ANKS1A: variants seen among roughly 807,000 people sequenced by gnomAD.
The protein encoded by ANKS1A is ankyrin repeat and sterile alpha motif domain containing 1A.
In ANKS1A, 55 loss-of-function variants were observed where a neutral mutation model predicts 120.3. The ratio of observed to expected loss-of-function variants is 0.46; its 90% CI spans 0.37 to 0.57. The LOEUF is 0.57. ANKS1A is among the 20% of genes least tolerant of loss of function. The probability of loss-of-function intolerance (pLI) is 0.00; values close to 1 mark genes in which losing one functional copy is unlikely to be tolerated. For synonymous variants in ANKS1A, 590 were observed against 604.7 expected, an observed-to-expected ratio of 0.98 and a Z score of 0.36; for missense variants, 1,123 against 1,480.3, an observed-to-expected ratio of 0.76 and a Z score of 3.96.
chr6:35,055,928 T>C (rs1164993539), intron 12 of ANKS1A, among the ~76,000 whole-genome samples: 1 of 152,224 alleles, frequency 6.6e-6, no homozygotes, highest in African/African-American at 2.4e-5. Context: ...CACTCTGTTG[T>C]AGCTTGCAAG....
At chr6:35,056,610 C>G (rs995781446) in intron 12 of ANKS1A, among the ~76,000 whole-genome samples, 2 of 152,168 alleles carry the variant, frequency 1.3e-5, no homozygotes, top group African/African-American at 4.8e-5. Context: ...TTTTGTCCCC[C>G]GTGAACCCAT....
chr6:35,081,097 G>A lies in ANKS1A; in HGVS notation c.2648G>A (p.Arg883Lys), dbSNP rs369821610. 1.7e-5 allele frequency: 27 copies of A among 1,613,680 alleles called. No homozygotes were observed. The highest frequency in any genetic ancestry group is 1.3e-5 in the African/African-American group (1 of 74,918). Reference sequence around the variant, plus strand: ...CTGCCTCCAGGGGACACAGGCAGGAGGCGCCATGACAGTCTCCATGACCCT... The same window carrying A: ...CTGCCTCCAGGGGACACAGGCAGGAAGCGCCATGACAGTCTCCATGACCCT... Reference protein sequence around the residue: ...LLLPPGDTGRRRHDSLHDPAA... With the variant: ...LLLPPGDTGRKRHDSLHDPAA... Residue 883 changes from arginine to lysine, a missense_variant, in exon 17 of 24, where the codon AGG becomes AAG. This residue lies in a region of ANKS1A where 904 missense variants were observed against 1,130.4 expected (regional missense o/e 0.80). Coordinates refer to ENST00000360359, the MANE Select transcript of ANKS1A (RefSeq NM_015245.3).
At chr6:34,951,794 G>A (rs1213127936) in intron 1 of ANKS1A, among the ~76,000 whole-genome samples, 1 of 152,116 alleles carries the variant, frequency 6.6e-6, no homozygotes, top group East Asian at 1.9e-4. Context: ...CAGCTAATTG[G>A]ATTTCTGGAA....
At chr6:34,969,550 C>T (rs929535890) in intron 2 of ANKS1A, among the ~76,000 whole-genome samples, 2 of 152,228 alleles carry the variant, frequency 1.3e-5, no homozygotes, top group Admixed American at 6.5e-5. Flanking sequence ...CCACTCTGCC[C>T]AGCCTGCAGT....
intron 1 of ANKS1A, among the ~76,000 whole-genome samples, chr6:34,902,231 A>G (rs973446838): frequency 6.6e-6 from 1 of 151,874 alleles, no homozygotes; most frequent in African/African-American, 2.4e-5. Flanking sequence ...TTTAAGGTTT[A>G]AGTTTTTCTT....
chr6:34,937,839 A>G (rs847849), intron 1 of ANKS1A, among the ~76,000 whole-genome samples: 15,514 of 152,244 alleles, frequency 0.1, 956 homozygotes, highest in East Asian at 0.34. Context: ...TACAGTGTCT[A>G]TAGTGGGAAA....
At chr6:34,985,366 C>G (rs747198866) in intron 8 of ANKS1A, 88 bp downstream of exon 8, 2 of 1,340,632 alleles carry the variant, frequency 1.5e-6, no homozygotes, top group East Asian at 2.3e-5. Flanking sequence ...GAAGTGTGAT[C>G]CCTGGTGCCA....
chr6:35,003,823 A>G (rs1190080802), intron 10 of ANKS1A, among the ~76,000 whole-genome samples: 1 of 152,240 alleles, frequency 6.6e-6, no homozygotes, highest in Non-Finnish European at 1.5e-5. Context: ...AAGAGGGGAA[A>G]TGAGGGAAGA....
chr6:34,929,467 C>T (rs1338488607), intron 1 of ANKS1A, among the ~76,000 whole-genome samples: 1 of 152,188 alleles, frequency 6.6e-6, no homozygotes, highest in African/African-American at 2.4e-5. Context: ...GCTTGCTTTC[C>T]ATTCACCTGT....
At position 35,089,849 on chromosome 6, in the gene ANKS1A, T is replaced by C. The variant is rs768927684; in HGVS notation, c.*1240T>C. ...TTGGCTCAGCTGTGTGCCCAGTTCCTCCTGTGGGCACTTTAGCAGGCTCCG... is the reference window on the plus strand; with the variant it reads ...TTGGCTCAGCTGTGTGCCCAGTTCCCCCTGTGGGCACTTTAGCAGGCTCCG... On this transcript the variant is annotated 3_prime_UTR_variant, in exon 24 of 24. Coordinates refer to ENST00000360359, the MANE Select transcript of ANKS1A (RefSeq NM_015245.3). 888 of 1,066,668 alleles carry C rather than the reference T, an allele frequency of 8.3e-4. 16 individuals are homozygous for C. Among genetic ancestry groups the C allele is most frequent in the African/African-American group, 3.0e-4 (18 of 59,774 alleles). The allele number at this position is 1,066,668 out of a possible 1,614,324, so 66.1% of individuals were successfully genotyped here.
chr6:35,077,195 C>T (rs1777408636), intron 13 of ANKS1A, among the ~76,000 whole-genome samples: 1 of 152,190 alleles, frequency 6.6e-6, no homozygotes, highest in Admixed American at 6.5e-5. Context: ...ACCCTTGATT[C>T]AAGTAAGCAG....
chr6:35,025,768 G>A (rs528435590), intron 11 of ANKS1A, among the ~76,000 whole-genome samples: 1 of 152,048 alleles, frequency 6.6e-6, no homozygotes, highest in Admixed American at 6.5e-5. Flanking sequence ...CTCTGTACCA[G>A]AGGGATTTTG....
At chr6:35,025,435 CCTCT>C (rs984383017) in intron 11 of ANKS1A, among the ~76,000 whole-genome samples, 1 of 151,926 alleles carries the variant, frequency 6.6e-6, no homozygotes, top group Non-Finnish European at 1.5e-5. Flanking sequence ...GTGTTCAGCA[CCTCT>C]CTCTCCCGCT....
At chr6:34,968,891 G>A (rs949915184) in intron 2 of ANKS1A, among the ~76,000 whole-genome samples, 15 of 152,180 alleles carry the variant, frequency 9.9e-5, no homozygotes, top group African/African-American at 3.6e-4. Flanking sequence ...AGAGGCAGTG[G>A]TTGTTTCCTT....
intron 10 of ANKS1A, among the ~76,000 whole-genome samples, chr6:35,005,204 C>A (rs551387497): frequency 6.6e-6 from 1 of 152,090 alleles, no homozygotes; most frequent in Non-Finnish European, 1.5e-5. Context: ...GCTAAATTGC[C>A]CTCCCTTAAT....
At chr6:35,031,866 C>G (rs1371989272) in intron 11 of ANKS1A, among the ~76,000 whole-genome samples, 1 of 152,174 alleles carries the variant, frequency 6.6e-6, no homozygotes, top group Non-Finnish European at 1.5e-5. Context: ...CCCTATTTTT[C>G]CAGCTCAGTT....
At chr6:34,953,910 T>G (rs1278346779) in intron 1 of ANKS1A, among the ~76,000 whole-genome samples, 1 of 152,228 alleles carries the variant, frequency 6.6e-6, no homozygotes, top group Non-Finnish European at 1.5e-5. Flanking sequence ...TCAGCAGTTC[T>G]GTGCCTTCTT....
Position 35,091,145 on chromosome 6 carries a change from A to T in ANKS1A, c.*2536A>T. 5 of 985,876 alleles carry T rather than the reference A, an allele frequency of 5.1e-6. No homozygotes were observed. Among genetic ancestry groups the T allele is most frequent in the Non-Finnish European group, 6.0e-6 (5 of 829,926 alleles). 61.1% of individuals were successfully genotyped at this position (985,876 alleles called of 1,614,324 possible). On this transcript the variant is annotated 3_prime_UTR_variant, in exon 24 of 24. Transcript: ENST00000360359. Reference sequence around the variant, plus strand: ...CTGAACTGTAATGAAAATGTTATTTAATCTTTGTCTCTGTATTTTGATACT... The same window carrying T: ...CTGAACTGTAATGAAAATGTTATTTTATCTTTGTCTCTGTATTTTGATACT...
intron 14 of ANKS1A, among the ~76,000 whole-genome samples, chr6:35,079,211 C>T (rs574923368): frequency 2.9e-4 from 44 of 152,316 alleles, no homozygotes; most frequent in African/African-American, 8.9e-4. Context: ...CCTCCAGGCC[C>T]GTGACCTCAG....
Sources: gnomAD v4.1 joint callset for allele counts (sites outside exome capture counted in the v4.1 genomes callset) on GRCh38, gnomAD v4.1.1 for gene constraint, gnomAD v4.1.1 regional missense constraint, MANE v1.5 for transcripts, NCBI Gene and HGNC (gene_info 2026-07-23, HGNC 2026-07-21) for gene names.